ZNF143: variants seen among roughly 807,000 people sequenced by gnomAD.
ZNF143 encodes the protein zinc finger protein 143, also known as SPH-binding factor.
Under a neutral mutation model 74.1 loss-of-function variants are expected in ZNF143, and 49 were observed. That is an observed-to-expected ratio of 0.66 (90% CI 0.53 to 0.84). The LOEUF (loss-of-function observed/expected upper bound fraction) is 0.84, where lower values mean the gene tolerates loss of function less well. ZNF143 is among the 40% of genes least tolerant of loss of function. The pLI, the probability that ZNF143 is intolerant of heterozygous loss-of-function variation, is 0.00. For synonymous variants in ZNF143, 304 were observed against 282.8 expected (o/e 1.07, Z -0.75); for missense variants, 637 against 793.4 (o/e 0.80, Z 2.37).
intron 9 of ZNF143, among the ~76,000 whole-genome samples, chr11:9,497,066 C>T (rs575772794): frequency 1.3e-5 from 2 of 152,352 alleles, no homozygotes; most frequent in Admixed American, 6.5e-5. Context: ...GGCCTGCTGA[C>T]TTCCATTCTT....
chr11:9,525,207 T>A, intron 14 of ZNF143, 33 bp from the exon 15 acceptor site: 1 of 1,613,274 alleles, frequency 6.2e-7, no homozygotes, highest in Non-Finnish European at 8.5e-7. Context: ...GGTTTAATTC[T>A]TTATGTGTAT....
chr11:9,485,883 A>G (rs1474260904), intron 7 of ZNF143, among the ~76,000 whole-genome samples: 2 of 151,520 alleles, frequency 1.3e-5, no homozygotes, highest in South Asian at 2.1e-4. Flanking sequence ...AAATGGGATT[A>G]TAAGTACTAA....
intron 1 of ZNF143, among the ~76,000 whole-genome samples, chr11:9,462,768 T>G (rs965761252): frequency 6.6e-6 from 1 of 151,880 alleles, no homozygotes; most frequent in Non-Finnish European, 1.5e-5. Context: ...CCAGTTACTC[T>G]GGAAGCTGAG....
In ZNF143 at chr11:9,521,579, T is replaced by TTG. The variant is rs1565069674; in HGVS notation, c.1687-3660_1687-3659insGT. ...TGCGGAGGTTTTTTTTTGTTTTTTT[T>TTG]TTGTTGTTGTTGTTGTTGTTTTTTA... On this transcript the variant is annotated intron_variant, in intron 14 of 15. Transcript: ENST00000396602. Among the ~76,000 whole-genome samples, 18 of 151,936 alleles carry TTG rather than the reference T, an allele frequency of 1.2e-4. 1 individual carries two copies. The highest frequency in any genetic ancestry group is 1.9e-4 in the Non-Finnish European group (13 of 67,980).
intron 7 of ZNF143, among the ~76,000 whole-genome samples, chr11:9,492,869 C>T (rs928516496): frequency 1.3e-5 from 2 of 151,990 alleles, no homozygotes; most frequent in Non-Finnish European, 1.5e-5. Flanking sequence ...TAAAGTTTCA[C>T]ACCAGTGATA....
In ZNF143 at chr11:9,512,516, G is replaced by GT; in HGVS notation, c.1447dup (p.Ser483PhefsTer33). On this transcript the variant is annotated frameshift_variant, in exon 13 of 16. Transcript: ENST00000396602. LOFTEE classifies it high-confidence loss of function. ...TACAGGTGTAGAAGGGGACGACGTT[G>GT]TTTCTACACAAGTAGCCACAGTAAC... is the stretch of plus-strand genomic sequence containing the variant. 6.2e-7 allele frequency: 1 copy of GT among 1,614,140 alleles called. No individual in the cohort carries two copies. The highest frequency in any genetic ancestry group is 8.5e-7 in the Non-Finnish European group (1 of 1,180,008).
chr11:9,508,952 A>G (rs892674453), intron 12 of ZNF143, 106 bp downstream of exon 12: 14 of 1,151,082 alleles, frequency 1.2e-5, no homozygotes, highest in East Asian at 1.0e-4. Flanking sequence ...TGTCATTCGT[A>G]TAATCACATA....
intron 7 of ZNF143, among the ~76,000 whole-genome samples, chr11:9,484,736 T>G (rs1847392398): frequency 6.7e-6 from 1 of 148,186 alleles, no homozygotes; most frequent in Non-Finnish European, 1.5e-5. Flanking sequence ...CCTCCAGTGA[T>G]CCACCCACCT....
intron 2 of ZNF143, 95 bp from the exon 3 acceptor site, chr11:9,472,582 A>G (rs1329336495): frequency 9.3e-7 from 1 of 1,076,336 alleles, no homozygotes; most frequent in African/African-American, 1.6e-5. Flanking sequence ...TGAGTTAAGC[A>G]GTTTACCTTT....
intron 1 of ZNF143, 77 bp downstream of exon 1, chr11:9,461,153 C>T (rs1018214283): frequency 2.0e-5 from 18 of 899,314 alleles, no homozygotes; most frequent in Admixed American, 6.2e-5. Context: ...GCGGCGCGGG[C>T]CCGCTTGGGC....
Position 9,525,337 on chromosome 11 carries a change from G to A in ZNF143, c.1784G>A (p.Arg595Lys), listed in dbSNP as rs1282690518. ...CATCACTTAGTAACCACAGAAACCA[G>A]ACCTCTGACCTTAGTAGCAACATCC... Reference protein sequence around the residue: ...HSHHLVTTETRPLTLVATSNG... With the variant: ...HSHHLVTTETKPLTLVATSNG... Residue 595 changes from arginine (R) to lysine (K), a missense_variant, in exon 15 of 16, where the codon AGA (arginine) becomes AAA (lysine). Physicochemically the swap from Arg to Lys is conservative, Grantham distance 26. Transcript: ENST00000396602. 6.2e-7 allele frequency: 1 copy of A among 1,614,052 alleles called. No individual in the cohort carries two copies. Among genetic ancestry groups the A allele is most frequent in the Non-Finnish European group, 8.5e-7 (1 of 1,180,040 alleles).
intron 6 of ZNF143, among the ~76,000 whole-genome samples, chr11:9,479,157 CT>C (rs1343147497): frequency 1.6e-4 from 24 of 145,618 alleles, no homozygotes; most frequent in South Asian, 2.2e-4. Flanking sequence ...GGGACATTTT[CT>C]TTTTTTTTTT....
intron 14 of ZNF143, among the ~76,000 whole-genome samples, chr11:9,518,721 GA>G (rs796709183): frequency 0.095 from 11,834 of 124,900 alleles, 505 homozygotes; most frequent in African/African-American, 0.12. Flanking sequence ...CCGTCTTAAA[GA>G]AAAAAAAAAA....
chr11:9,516,691 A>G lies in ZNF143; in HGVS notation c.1686+329A>G, dbSNP rs150816249. Among the ~76,000 whole-genome samples, 587 of 152,316 alleles carry G rather than the reference A, an allele frequency of 3.9e-3. 10 individuals are homozygous for G. The highest frequency in any genetic ancestry group is 1.1e-3 in the Non-Finnish European group (78 of 68,034). ...TTAGGAAATACTTGCAAAACTTACT[A>G]TTTAATTTTTTGAATATGTCATATA... On this transcript the variant is annotated intron_variant, in intron 14 of 15. Transcript: ENST00000396602.
chr11:9,513,932 A>G (rs1190930906), intron 13 of ZNF143, among the ~76,000 whole-genome samples: 1 of 152,184 alleles, frequency 6.6e-6, no homozygotes, highest in African/African-American at 2.4e-5. Flanking sequence ...AATCTGTTCC[A>G]TTGTTGGATA....
intron 7 of ZNF143, among the ~76,000 whole-genome samples, chr11:9,486,894 T>C (rs1291292942): frequency 6.7e-6 from 1 of 149,412 alleles, no homozygotes; most frequent in African/African-American, 2.5e-5. Flanking sequence ...GGTCTTGATC[T>C]CCTGACCTCG....
rs144418728 is a variant in ZNF143, at chr11:9,498,119, C to T, written c.967+319C>T. On this transcript the variant is annotated intron_variant, in intron 10 of 15. Transcript: ENST00000396602. Reference sequence around the variant, plus strand: ...TGCTGCGATTACAGGCGTGAGCCACCGCGCCCGGCCTAGGCCAAGTTAATC... The same window carrying T: ...TGCTGCGATTACAGGCGTGAGCCACTGCGCCCGGCCTAGGCCAAGTTAATC... Among the ~76,000 whole-genome samples the T allele has an allele frequency of 5.0e-3, 761 of 152,344 alleles. 9 individuals carry two copies. Among genetic ancestry groups the T allele is most frequent in the African/African-American group, 0.017 (718 of 41,582 alleles).
At position 9,492,370 on chromosome 11, in the gene ZNF143, C is replaced by G. The variant is rs545961654; in HGVS notation, c.646-2276C>G. ...CAGGTGGATCCACCCACCTTGGCCT[C>G]CCAGAGTGCTGGGATTACAGTCATG... On this transcript the variant is annotated intron_variant, in intron 7 of 15. Coordinates refer to ENST00000396602, the MANE Select transcript of ZNF143 (RefSeq NM_003442.6). 3.9e-5 allele frequency among the ~76,000 whole-genome samples: 6 copies of G among 152,180 alleles called. No homozygotes were observed. In the East Asian group the frequency reaches 9.6e-4, roughly 24 times the overall value.
In ZNF143 at chr11:9,478,442, A is replaced by G. The variant is rs757272466; in HGVS notation, c.426A>G (p.Thr142=). 6.2e-7 allele frequency: 1 copy of G among 1,614,190 alleles called. No homozygotes were observed. The stretch of plus-strand genomic sequence containing the variant: ...CGGTTCAGCTGGAAGATGGTACCAC[A>G]GCTTATATCCACCATGCAGTGCAAG... ...LQAVQLEDGT[T]AYIHHAVQVP... The change falls in exon 6 of 16, where the codon ACA becomes ACG. Residue 142 remains threonine (T), a synonymous_variant. Transcript: ENST00000396602.
Sources: allele counts gnomAD v4.1 joint callset (sites outside exome capture counted in the v4.1 genomes callset), GRCh38; gene constraint gnomAD v4.1.1; transcripts MANE v1.5; gene names NCBI Gene and HGNC (gene_info 2026-07-23, HGNC 2026-07-21).